Variants in GSK3B observed in about 807,000 individuals in gnomAD.
The protein encoded by GSK3B is glycogen synthase kinase-3 beta.
GSK3B carries 15 observed loss-of-function variants against 56.4 expected under a neutral mutation model. The ratio of observed to expected loss-of-function variants is 0.27; its 90% CI spans 0.18 to 0.41. GSK3B has a LOEUF of 0.41. GSK3B is among the 10% of genes least tolerant of loss of function. The pLI, the probability that GSK3B is intolerant of heterozygous loss-of-function variation, is 1.00. For missense variants in GSK3B, 300 were observed against 513.4 expected, an observed-to-expected ratio of 0.58 and a Z score of 4.02; for synonymous variants, 181 against 188.9, an observed-to-expected ratio of 0.96 and a Z score of 0.34.
chr3:120,036,679 G>C (rs530421238), intron 1 of GSK3B, among the ~76,000 whole-genome samples: 1 of 150,708 alleles, frequency 6.6e-6, no homozygotes, highest in Non-Finnish European at 1.5e-5. Flanking sequence ...TGAAATCCCA[G>C]CTCATCAGGA....
intron 1 of GSK3B, chr3:120,028,745 CT>C: frequency 2.1e-6 from 1 of 472,194 alleles, no homozygotes; most frequent in Non-Finnish European, 4.2e-6. Flanking sequence ...GGAAGATGGC[CT>C]GGTGAGGCTG....
chr3:119,864,385 A>G (rs902020988), intron 8 of GSK3B, among the ~76,000 whole-genome samples: 20 of 152,216 alleles, frequency 1.3e-4, no homozygotes, highest in Non-Finnish European at 2.2e-4. Context: ...TGTGTCTTAA[A>G]TAAAGCTAAT....
At chr3:120,071,540 T>TCTA (rs532554251) in intron 1 of GSK3B, among the ~76,000 whole-genome samples, 6 of 152,114 alleles carry the variant, frequency 3.9e-5, no homozygotes, top group Non-Finnish European at 8.8e-5. Context: ...GAGCGTGAAC[T>TCTA]CTATTGTAAA....
intron 7 of GSK3B, among the ~76,000 whole-genome samples, chr3:119,878,723 G>T (rs987659358): frequency 6.6e-6 from 1 of 152,012 alleles, no homozygotes; most frequent in African/African-American, 2.4e-5. Context: ...GCATCATCAA[G>T]TAAATAAATG....
chr3:119,935,381 A>T (rs1414283838), intron 3 of GSK3B, among the ~76,000 whole-genome samples: 1 of 152,174 alleles, frequency 6.6e-6, no homozygotes, highest in Non-Finnish European at 1.5e-5. Context: ...TGATCAAGGT[A>T]CCATTTCTGT....
chr3:119,855,884 G>A (rs1197405281), intron 9 of GSK3B, among the ~76,000 whole-genome samples: 2 of 152,130 alleles, frequency 1.3e-5, no homozygotes, highest in African/African-American at 2.4e-5. Flanking sequence ...TGTAAATGAC[G>A]AGTTAATGGG....
At chr3:119,900,269 A>G (rs2056612378) in intron 7 of GSK3B, among the ~76,000 whole-genome samples, 1 of 152,122 alleles carries the variant, frequency 6.6e-6, no homozygotes, top group Admixed American at 6.6e-5. Flanking sequence ...TATTATCAAG[A>G]GGTGTAGCAT....
chr3:119,937,638 A>C (rs1351536692), intron 3 of GSK3B, among the ~76,000 whole-genome samples: 1 of 152,066 alleles, frequency 6.6e-6, no homozygotes, highest in Non-Finnish European at 1.5e-5. Context: ...AGTGCTCAGA[A>C]GGAAATTTAC....
intron 9 of GSK3B, among the ~76,000 whole-genome samples, chr3:119,858,815 T>C (rs1261791261): frequency 6.6e-6 from 1 of 152,132 alleles, no homozygotes; most frequent in Non-Finnish European, 1.5e-5. Context: ...TAGAGGCTCT[T>C]GTAGGGTTAT....
chr3:119,856,843 T>C (rs2056028977), intron 9 of GSK3B, among the ~76,000 whole-genome samples: 1 of 152,150 alleles, frequency 6.6e-6, no homozygotes, highest in African/African-American at 2.4e-5. Context: ...CTAAAAACCA[T>C]TATGACTCAC....
At chr3:120,026,436 G>A (rs191875147) in intron 1 of GSK3B, among the ~76,000 whole-genome samples, 42 of 151,496 alleles carry the variant, frequency 2.8e-4, no homozygotes, top group Admixed American at 1.6e-3. Context: ...ATTTATTACC[G>A]CAAGGGGGTC....
intron 2 of GSK3B, among the ~76,000 whole-genome samples, chr3:119,959,690 T>A (rs918835835): frequency 2.6e-5 from 4 of 152,000 alleles, no homozygotes; most frequent in African/African-American, 9.7e-5. Context: ...AATTTTTTTG[T>A]ATTTTTAGTA....
At chr3:119,982,788 A>G (rs1192039320) in intron 2 of GSK3B, among the ~76,000 whole-genome samples, 2 of 152,220 alleles carry the variant, frequency 1.3e-5, no homozygotes, top group African/African-American at 2.4e-5. Flanking sequence ...ACTCTGCAGG[A>G]TATTATCCAG....
At chr3:120,002,640 A>G (rs1345098415) in intron 1 of GSK3B, among the ~76,000 whole-genome samples, 1 of 152,190 alleles carries the variant, frequency 6.6e-6, no homozygotes, top group Middle Eastern at 3.2e-3. Flanking sequence ...GCCTGGTCAA[A>G]GTAAACTATA....
chr3:119,888,176 T>C (rs1357664210), intron 7 of GSK3B, among the ~76,000 whole-genome samples: 2 of 152,152 alleles, frequency 1.3e-5, no homozygotes, highest in African/African-American at 4.8e-5. Context: ...TGTGGTTAAA[T>C]GTATGATATT....
rs373508918 is a variant in GSK3B, at chr3:120,093,392, T to C, written c.43A>G (p.Lys15Glu). 1.2e-6 allele frequency: 2 copies of C among 1,613,824 alleles called. No individual in the cohort carries two copies. ...AAAGCTGAAGGCTGCTGCACCGGCT[T>C]GCAGCTCTCCGCAAAGGAGGTGGTT... Reference protein sequence around the residue: ...PRTTSFAESCKPVQQPSAFGS... With the variant: ...PRTTSFAESCEPVQQPSAFGS... Residue 15 changes from lysine (K) to glutamate (E), a missense_variant, in exon 1 of 11, where the codon AAG (lysine) becomes GAG (glutamate). Physicochemically the swap from Lys to Glu is moderately conservative, Grantham distance 56. This residue lies in a region of GSK3B where 53 missense variants were observed against 64.6 expected (regional missense o/e 0.82). Transcript: ENST00000264235.
At chr3:119,994,233 C>G (rs1317972292) in intron 2 of GSK3B, among the ~76,000 whole-genome samples, 2 of 151,810 alleles carry the variant, frequency 1.3e-5, no homozygotes, top group African/African-American at 4.8e-5. Flanking sequence ...GTCAATGAGT[C>G]CATATGATAT....
intron 9 of GSK3B, among the ~76,000 whole-genome samples, chr3:119,845,318 GCAAT>G (rs1251240493): frequency 6.6e-6 from 1 of 152,182 alleles, no homozygotes; most frequent in African/African-American, 2.4e-5. Flanking sequence ...TCTGGCCAGG[GCAAT>G]CAGGCAAGAG....
At chr3:120,077,184 T>C (rs1011558848) in intron 1 of GSK3B, among the ~76,000 whole-genome samples, 2 of 152,174 alleles carry the variant, frequency 1.3e-5, no homozygotes, top group Admixed American at 1.3e-4. Context: ...TACAAAATAT[T>C]ATGAAATCAT....
Sources: allele counts gnomAD v4.1 joint callset (sites outside exome capture counted in the v4.1 genomes callset), GRCh38; gene constraint gnomAD v4.1.1; regional missense constraint gnomAD v4.1.1; transcripts MANE v1.5; gene names NCBI Gene and HGNC (gene_info 2026-07-23, HGNC 2026-07-21).